The following SYCE1L variants were observed in gnomAD, a reference collection of about 807,000 sequenced individuals.
The protein encoded by SYCE1L is synaptonemal complex central element protein 1 like, also known as synaptonemal complex central element protein 1-like.
Under a neutral mutation model 39.6 loss-of-function variants are expected in SYCE1L, and 51 were observed. The ratio of observed to expected loss-of-function variants is 1.29; its 90% confidence interval spans 1.03 to 1.63. The LOEUF is 1.63. SYCE1L is among the 40% of genes most tolerant of loss of function. SYCE1L has a pLI of 0.00. For missense variants in SYCE1L, 426 were observed against 304.9 expected (o/e 1.40, Z -2.96); for synonymous variants, 147 against 122.4 (o/e 1.20, Z -1.33).
At chr16:77,200,308 C>T (rs1223511826) in intron 1 of SYCE1L, 1 of 79,286 alleles carries the variant, frequency 1.3e-5, no homozygotes, top group African/African-American at 4.6e-5. Flanking sequence ...ACTAATCAGC[C>T]GGGCGCGGTG....
At chr16:77,208,369 G>C (rs992698118) in intron 3 of SYCE1L, 96 bp from the exon 4 acceptor site, 7 of 1,542,402 alleles carry the variant, frequency 4.5e-6, no homozygotes, top group Middle Eastern at 1.7e-4. Context: ...GCCCCTCTAG[G>C]GTTGTTTGAA....
In SYCE1L at chr16:77,199,430, C is replaced by G. The variant is rs966668005; in HGVS notation, c.-22C>G. On this transcript the variant is annotated 5_prime_UTR_variant, in exon 1 of 11. Transcript: ENST00000378644. ...TTAACCAGTCATCAAGCGAGGCTCG[C>G]GCGCAGGCCCCGCGTTGGAAAATGG... 6.4e-7 allele frequency: 1 copy of G among 1,551,048 alleles called. No homozygotes were observed. The highest frequency in any genetic ancestry group is 1.4e-5 in the African/African-American group (1 of 73,010).
intron 1 of SYCE1L, among the ~76,000 whole-genome samples, chr16:77,206,083 A>G (rs1162535665): frequency 6.6e-6 from 1 of 152,220 alleles, no homozygotes; most frequent in Non-Finnish European, 1.5e-5. Flanking sequence ...AAAGAAATTC[A>G]TATGAAATCT....
At chr16:77,210,089 C>G (rs1407749460) in intron 6 of SYCE1L, among the ~76,000 whole-genome samples, 1 of 152,216 alleles carries the variant, frequency 6.6e-6, no homozygotes, top group African/African-American at 2.4e-5. Flanking sequence ...AATCAGCTAT[C>G]ATTTCTCCAG....
intron 8 of SYCE1L, 40 bp downstream of exon 8, chr16:77,212,239 T>C (rs1304533070): frequency 1.4e-5 from 22 of 1,539,488 alleles, no homozygotes; most frequent in Non-Finnish European, 8.8e-7. Flanking sequence ...GAGGGGGATG[T>C]GCCCGGGCCT....
chr16:77,208,415 C>T, intron 3 of SYCE1L, 50 bp from the exon 4 acceptor site: 1 of 1,549,146 alleles, frequency 6.5e-7, no homozygotes, highest in Non-Finnish European at 8.7e-7. Context: ...GAGAGAACAG[C>T]AAGGCTAGAG....
intron 1 of SYCE1L, chr16:77,202,055 A>AT (rs1333372888): frequency 7.9e-5 from 12 of 152,152 alleles, no homozygotes; most frequent in Admixed American, 3.3e-4. Context: ...TTATTGTTCT[A>AT]TTTTTTCTTC....
Position 77,212,387 on chromosome 16 carries a change from G to C in SYCE1L, c.581+18G>C. On this transcript the variant is annotated intron_variant, in intron 9 of 10. Coordinates refer to ENST00000378644, the MANE Select transcript of SYCE1L (RefSeq NM_001129979.3). ...AATGACGGGTGAGAGGGGAAGGGAG[G>C]AGTGGGCGAGGAGGGCAGGGGCAGG... 2 of 1,526,816 alleles carry C rather than the reference G, an allele frequency of 1.3e-6. No individual in the cohort carries two copies. Among genetic ancestry groups the C allele is most frequent in the Non-Finnish European group, 1.8e-6 (2 of 1,138,310 alleles). The allele number at this position is 1,526,816 out of a possible 1,614,324, so 94.6% of individuals were successfully genotyped here.
chr16:77,208,641 T>G, intron 4 of SYCE1L, 102 bp downstream of exon 4: 1 of 1,157,380 alleles, frequency 8.6e-7, no homozygotes, highest in South Asian at 1.5e-5. Context: ...TGCTCTTAGC[T>G]CACATAATCT....
At chr16:77,212,400 G>A (rs1429294367) in intron 9 of SYCE1L, 31 bp downstream of exon 9, 3 of 1,528,488 alleles carry the variant, frequency 2.0e-6, no homozygotes, top group Admixed American at 2.2e-5. Context: ...TGGGCGAGGA[G>A]GGCAGGGGCA....
rs1391708583 is a variant in SYCE1L at position 77,211,116 on chromosome 16, G to A, written c.360-97G>A. 4 of 1,330,264 alleles carry A rather than the reference G, an allele frequency of 3.0e-6. No individual in the cohort carries two copies. The Admixed American group carries it at 6.0e-5, about 20-fold the overall frequency. The allele number at this position is 1,330,264 out of a possible 1,614,324, so 82.4% of individuals were successfully genotyped here. A position where few individuals can be genotyped will look rare whatever the true frequency, so the allele number is the denominator to read the frequency against. On this transcript the variant is annotated intron_variant, in intron 6 of 10. Transcript: ENST00000378644. Reference sequence around the variant, plus strand: ...ACCCATGAAGGGGCTCCCAGCAGAGGGAGCATGGGCAGGATCTGAAGGCCT... The same window carrying A: ...ACCCATGAAGGGGCTCCCAGCAGAGAGAGCATGGGCAGGATCTGAAGGCCT...
intron 1 of SYCE1L, chr16:77,201,220 C>T (rs1313422992): frequency 6.6e-6 from 1 of 152,148 alleles, no homozygotes; most frequent in African/African-American, 2.4e-5. Flanking sequence ...ATTAGAGGCA[C>T]ATACTAAGTG....
chr16:77,203,875 G>A lies in SYCE1L; in HGVS notation c.62-2566G>A, dbSNP rs113590805. 9.5e-3 allele frequency among the ~76,000 whole-genome samples: 1,442 copies of A among 152,126 alleles called. 17 individuals carry two copies. The highest frequency in any genetic ancestry group is 0.032 in the African/African-American group (1,347 of 41,498). On this transcript the variant is annotated intron_variant, in intron 1 of 10. Transcript: ENST00000378644. ...CTCCCAAAGTGCTGGGATTACAGGC[G>A]TGAGCCACTGCACCCGGCCGTTACT...
intron 1 of SYCE1L, among the ~76,000 whole-genome samples, chr16:77,204,229 C>T (rs1490707446): frequency 6.6e-6 from 1 of 152,128 alleles, no homozygotes; most frequent in East Asian, 1.9e-4. Context: ...TATGTGTACC[C>T]AGTAGATACA....
chr16:77,204,555 G>C (rs1007467379), intron 1 of SYCE1L, among the ~76,000 whole-genome samples: 1 of 152,164 alleles, frequency 6.6e-6, no homozygotes, highest in East Asian at 1.9e-4. Context: ...GATCATTGTG[G>C]CATGCCTTGT....
Position 77,213,137 on chromosome 16 carries a change from TC to T in SYCE1L, c.*208del. On this transcript the variant is annotated 3_prime_UTR_variant, in exon 11 of 11. Coordinates refer to ENST00000378644, the MANE Select transcript of SYCE1L (RefSeq NM_001129979.3). ...CGCCGTACAGAGGCTGGGTAAATGC[TC>T]CTGAACTCAGAGAGAGTAAGTGGGT... is the stretch of plus-strand genomic sequence containing the variant. The T allele has an allele frequency of 2.3e-6, 1 of 443,440 alleles. No individual in the cohort carries two copies. Among genetic ancestry groups the T allele is most frequent in the East Asian group, 3.5e-5 (1 of 28,428 alleles). 27.5% of individuals were successfully genotyped at this position (443,440 alleles called of 1,614,324 possible). A position where few individuals can be genotyped will look rare whatever the true frequency, so the allele number is the denominator to read the frequency against.
chr16:77,202,402 C>T (rs186289895), intron 1 of SYCE1L: 2 of 152,274 alleles, frequency 1.3e-5, no homozygotes, highest in Non-Finnish European at 2.9e-5. Context: ...AAAGGGTGCT[C>T]TTACTGTGCT....
chr16:77,209,543 A>G (rs967229700), intron 6 of SYCE1L, 72 bp downstream of exon 6: 80 of 1,511,596 alleles, frequency 5.3e-5, no homozygotes, highest in Non-Finnish European at 6.8e-5. Context: ...GAGCTGTGGA[A>G]ATGAATCTTG....
At position 77,212,933 on chromosome 16, in the gene SYCE1L, C is replaced by A; in HGVS notation, c.*2C>A. On this transcript the variant is annotated 3_prime_UTR_variant, in exon 11 of 11. Coordinates refer to ENST00000378644, the MANE Select transcript of SYCE1L (RefSeq NM_001129979.3). ...GTGGCTGCCCCTGACGCCCTCTAGG[C>A]CAGCAGGACCCGCCCGTTCCCGACC... The A allele has an allele frequency of 6.6e-7, 1 of 1,513,932 alleles. No individual in the cohort carries two copies. Among genetic ancestry groups the A allele is most frequent in the Non-Finnish European group, 8.8e-7 (1 of 1,131,886 alleles). 93.8% of individuals were successfully genotyped at this position (1,513,932 alleles called of 1,614,324 possible).
Sources: allele counts gnomAD v4.1 joint callset (sites outside exome capture counted in the v4.1 genomes callset), GRCh38; gene constraint gnomAD v4.1.1; transcripts MANE v1.5; gene names NCBI Gene and HGNC (gene_info 2026-07-23, HGNC 2026-07-21).